AMZ1: variants seen among roughly 807,000 people sequenced by gnomAD.
AMZ1 encodes archaemetzincin-1.
Under a neutral mutation model 29.9 loss-of-function variants are expected in AMZ1, and 39 were observed. The observed-to-expected ratio is 1.30, with a 90% confidence interval of 1.01 to 1.70. AMZ1 has a LOEUF of 1.70. Among genes scored for constraint, AMZ1 ranks in the 40% most tolerant of loss-of-function variants. The pLI is 0.00. For synonymous variants in AMZ1, 458 were observed against 304.0 expected (o/e 1.51, Z -5.27); for missense variants, 1,041 against 680.6 (o/e 1.53, Z -5.89).
chr7:2,758,386 G>A (rs760236325), intron 4 of AMZ1, among the ~76,000 whole-genome samples: 5 of 152,184 alleles, frequency 3.3e-5, no homozygotes, highest in Non-Finnish European at 7.3e-5. Context: ...GCTTGCACAT[G>A]AAAGAGGGTG....
At chr7:2,724,717 T>G (rs1161732644) in intron 4 of AMZ1, among the ~76,000 whole-genome samples, 3 of 152,172 alleles carry the variant, frequency 2.0e-5, no homozygotes, top group Non-Finnish European at 4.4e-5. Context: ...AAAAAGCACC[T>G]AAGTTTTGGG....
chr7:2,726,734 G>C (rs909001395), intron 4 of AMZ1, among the ~76,000 whole-genome samples: 1 of 152,262 alleles, frequency 6.6e-6, no homozygotes, highest in African/African-American at 2.4e-5. Context: ...GTTTGGGCAA[G>C]AAGAGAGATG....
chr7:2,761,584 AT>A (rs1194082529), upstream of AMZ1, among the ~76,000 whole-genome samples: 1 of 152,246 alleles, frequency 6.6e-6, no homozygotes, highest in East Asian at 1.9e-4. Flanking sequence ...AATTCCTAGG[AT>A]ACAAACAGTT....
intron 6 of AMZ1, 115 bp downstream of exon 6, chr7:2,709,931 G>T: frequency 7.1e-7 from 1 of 1,415,678 alleles, no homozygotes; most frequent in Non-Finnish European, 9.7e-7. Context: ...GTCAACTGCC[G>T]GGTTCCAGGC....
At chr7:2,695,981 C>A (rs1487502438) in intron 1 of AMZ1, among the ~76,000 whole-genome samples, 1 of 149,702 alleles carries the variant, frequency 6.7e-6, no homozygotes, top group Non-Finnish European at 1.5e-5. Context: ...TGGACTCCAG[C>A]CTGGGTGACA....
At chr7:2,762,927 G>A (rs1791636033), upstream of AMZ1, 4 of 1,400,118 alleles carry the variant, frequency 2.9e-6, no homozygotes, top group Middle Eastern at 2.5e-4. Context: ...AGGCGGGGAC[G>A]CCCCAGACAC....
intron 6 of AMZ1, among the ~76,000 whole-genome samples, chr7:2,710,367 C>T (rs938528213): frequency 2.0e-5 from 3 of 152,224 alleles, no homozygotes; most frequent in African/African-American, 7.2e-5. Context: ...GTTCTGAGTG[C>T]AAAGGCAGGT....
upstream of AMZ1, among the ~76,000 whole-genome samples, chr7:2,684,144 C>G (rs1325868552): frequency 6.6e-6 from 1 of 151,958 alleles, no homozygotes; most frequent in African/African-American, 2.4e-5. Flanking sequence ...CGCCACTGCA[C>G]TCCAGCCCGG....
rs763971086 is a variant in AMZ1, at chr7:2,709,643, A to G, written c.775A>G (p.Thr259Ala). 8 of 1,608,174 alleles carry G rather than the reference A, an allele frequency of 5.0e-6. No individual in the cohort carries two copies. The highest frequency in any genetic ancestry group is 4.5e-5 in the East Asian group (2 of 44,838). Residue 259 changes from threonine to alanine, a missense_variant, in exon 6 of 7, where the codon ACG becomes GCG. Coordinates refer to ENST00000683327, the MANE Select transcript of AMZ1 (RefSeq NM_001384743.1). ...ALGMVQCCKV[T>A]CHELCHLLGL... is the part of the protein sequence containing the mutation. The stretch of plus-strand genomic sequence containing the variant: ...TGCTTGGTGGCCTTCCCCCCAGGTC[A>G]CGTGCCACGAGCTCTGCCACCTTCT...
Position 2,702,766 on chromosome 7 carries a change from T to C in AMZ1, c.349T>C (p.Cys117Arg), listed in dbSNP as rs1473937409. The change falls in exon 3 of 7, where the codon TGC becomes CGC. Residue 117 changes from cysteine (C) to arginine (R), a missense_variant. Physicochemically the swap from Cys to Arg is radical, Grantham distance 180. Coordinates refer to ENST00000683327, the MANE Select transcript of AMZ1 (RefSeq NM_001384743.1). ...PVGSSLLHQL[C>R]SCTEAFFLGL... is the part of the protein sequence containing the mutation. ...GGGAAGCTCCCTGCTGCACCAGCTG[T>C]GCAGCTGCACAGAGGCCTTCTTCCT... is the stretch of plus-strand genomic sequence containing the variant. 3.6e-5 allele frequency: 56 copies of C among 1,542,760 alleles called. No homozygotes were observed. The highest frequency in any genetic ancestry group is 4.7e-5 in the Non-Finnish European group (54 of 1,146,944).
At chr7:2,734,993 G>T (rs771099092) in intron 4 of AMZ1, among the ~76,000 whole-genome samples, 1 of 152,222 alleles carries the variant, frequency 6.6e-6, no homozygotes, top group African/African-American at 2.4e-5. Context: ...GGAAGCCAGC[G>T]TGAGGCCGGT....
chr7:2,738,094 A>G (rs1021982122), intron 4 of AMZ1, among the ~76,000 whole-genome samples: 15 of 152,144 alleles, frequency 9.9e-5, no homozygotes, highest in Admixed American at 7.2e-4. Flanking sequence ...TTGGGTACCT[A>G]TGAATTGTTT....
intron 4 of AMZ1, among the ~76,000 whole-genome samples, chr7:2,759,307 G>C (rs1247754491): frequency 6.6e-6 from 1 of 152,124 alleles, no homozygotes; most frequent in East Asian, 1.9e-4. Flanking sequence ...AGGAAACAAA[G>C]CGCTAGCTGT....
rs1583183746 is a variant in AMZ1, at chr7:2,714,611, A to C, written c.*1733A>C. The C allele has an allele frequency of 2.0e-5, 3 of 152,370 alleles. No individual in the cohort carries two copies. The highest frequency in any genetic ancestry group is 2.1e-4 in the South Asian group (1 of 4,826). 9.4% of individuals were successfully genotyped at this position (152,370 alleles called of 1,614,324 possible). ...GAGCCTGGTGGCTGTTGCTGCAAAC[A>C]ACCACCCAAAACTTAGTGGCTTAAA... is the stretch of plus-strand genomic sequence containing the variant. On this transcript the variant is annotated 3_prime_UTR_variant, in exon 7 of 7. Coordinates refer to ENST00000683327, the MANE Select transcript of AMZ1 (RefSeq NM_001384743.1).
intron 1 of AMZ1, among the ~76,000 whole-genome samples, chr7:2,682,980 C>T (rs1215864591): frequency 6.6e-6 from 1 of 152,246 alleles, no homozygotes; most frequent in Non-Finnish European, 1.5e-5. Flanking sequence ...CACTGTCTGC[C>T]TGCACCCTCG....
chr7:2,698,373 A>G (rs1787860600), intron 1 of AMZ1, among the ~76,000 whole-genome samples: 1 of 150,880 alleles, frequency 6.6e-6, no homozygotes, highest in African/African-American at 2.4e-5. Flanking sequence ...CCCTGTTTCT[A>G]CTAAGAACAC....
chr7:2,708,957 G>T (rs1163240518), intron 4 of AMZ1, 118 bp from the exon 5 acceptor site: 4 of 1,348,110 alleles, frequency 3.0e-6, no homozygotes, highest in African/African-American at 1.5e-5. Context: ...GGCCTCCCAG[G>T]ACTGGTATGT....
intron 4 of AMZ1, among the ~76,000 whole-genome samples, chr7:2,742,269 G>C (rs1411950970): frequency 1.3e-5 from 2 of 152,128 alleles, no homozygotes; most frequent in African/African-American, 2.4e-5. Flanking sequence ...GCCCGCCTCA[G>C]CCTCCCAAAG....
At position 2,709,100 on chromosome 7, in the gene AMZ1, G is replaced by T. The variant is rs1052341733; in HGVS notation, c.627G>T (p.Arg209=). 6 of 1,599,886 alleles carry T rather than the reference G, an allele frequency of 3.8e-6. No individual in the cohort carries two copies. The highest frequency in any genetic ancestry group is 1.7e-5 in the Admixed American group (1 of 57,914). ...GHEVGVCSFA[R]FSGEFPKSGP... is the part of the protein sequence containing the mutation. ...AAGTGGGCGTCTGCAGCTTCGCCCG[G>T]TTCTCAGGGGAATTCCCGAAGTCGG... The change falls in exon 5 of 7, where the codon CGG becomes CGT. Residue 209 remains arginine (R), a synonymous_variant. Transcript: ENST00000683327.
Sources: allele counts gnomAD v4.1 joint callset (sites outside exome capture counted in the v4.1 genomes callset), GRCh38; gene constraint gnomAD v4.1.1; transcripts MANE v1.5; gene names NCBI Gene and HGNC (gene_info 2026-07-23, HGNC 2026-07-21).